Variants in KLHL1 observed in about 807,000 individuals in gnomAD.
KLHL1 encodes kelch like family member 1.
In KLHL1, 47 loss-of-function variants were observed where a neutral mutation model predicts 77.7. That is an observed-to-expected ratio of 0.60 (90% CI 0.48 to 0.77). The LOEUF is 0.77. Ranked by LOEUF, KLHL1 falls within the 30% of genes least tolerant of loss-of-function variation. KLHL1 has a pLI of 0.00. For missense variants in KLHL1, 925 were observed against 910.8 expected (o/e 1.02, Z -0.20); for synonymous variants, 360 against 325.2 (o/e 1.11, Z -1.15).
intron 4 of KLHL1, among the ~76,000 whole-genome samples, chr13:69,889,698 C>G (rs1245571507): frequency 6.6e-6 from 1 of 151,990 alleles, no homozygotes; most frequent in Non-Finnish European, 1.5e-5. Flanking sequence ...TAGATGTCAA[C>G]TCTGCTACTT....
chr13:70,055,159 AG>A (rs1481023408), intron 1 of KLHL1, among the ~76,000 whole-genome samples: 1 of 152,086 alleles, frequency 6.6e-6, no homozygotes, highest in Non-Finnish European at 1.5e-5. Context: ...GGATAAAGAA[AG>A]GGTCATAAAA....
chr13:69,775,467 A>C (rs1875779092), intron 7 of KLHL1, among the ~76,000 whole-genome samples: 1 of 152,168 alleles, frequency 6.6e-6, no homozygotes. Context: ...GTATTCACAA[A>C]TATTTGATTT....
chr13:69,841,276 T>C (rs1879253054), intron 5 of KLHL1, among the ~76,000 whole-genome samples: 4 of 151,836 alleles, frequency 2.6e-5, no homozygotes, highest in Admixed American at 2.6e-4. Context: ...AAGTCAAGTT[T>C]CTCCTGTTTA....
At chr13:69,787,354 C>T (rs144994824) in intron 7 of KLHL1, among the ~76,000 whole-genome samples, 10 of 152,174 alleles carry the variant, frequency 6.6e-5, no homozygotes, top group East Asian at 3.9e-4. Flanking sequence ...GAAATAATGC[C>T]GCATGTCTAC....
At chr13:70,066,930 TTG>T (rs1277016212) in intron 1 of KLHL1, among the ~76,000 whole-genome samples, 1 of 152,200 alleles carries the variant, frequency 6.6e-6, no homozygotes, top group Non-Finnish European at 1.5e-5. Context: ...ATTCATAGAG[TTG>T]TGTTTTCTTT....
At chr13:69,787,005 A>G (rs1303999469) in intron 7 of KLHL1, among the ~76,000 whole-genome samples, 1 of 151,094 alleles carries the variant, frequency 6.6e-6, no homozygotes, top group East Asian at 1.9e-4. Context: ...CAATGAAATA[A>G]AAGAGGATAC....
chr13:70,041,924 TGGGC>T (rs1886387736), intron 1 of KLHL1, among the ~76,000 whole-genome samples: 1 of 151,956 alleles, frequency 6.6e-6, no homozygotes, highest in Non-Finnish European at 1.5e-5. Flanking sequence ...GAAGTAAGAG[TGGGC>T]TGCAGGTTTT....
intron 6 of KLHL1, among the ~76,000 whole-genome samples, chr13:69,828,211 G>A (rs1288785881): frequency 1.4e-5 from 2 of 144,298 alleles, no homozygotes; most frequent in Non-Finnish European, 3.1e-5. Context: ...AACTGTGAGT[G>A]CCCAAAATGT....
chr13:69,956,556 T>C (rs1333856850), intron 3 of KLHL1, among the ~76,000 whole-genome samples: 2 of 151,418 alleles, frequency 1.3e-5, no homozygotes, highest in African/African-American at 4.8e-5. Flanking sequence ...GATGAGTCAC[T>C]TCAAGGAACT....
intron 6 of KLHL1, among the ~76,000 whole-genome samples, chr13:69,823,456 A>T (rs1311223629): frequency 1.3e-5 from 2 of 152,064 alleles, no homozygotes; most frequent in African/African-American, 2.4e-5. Context: ...AAATTAAAAA[A>T]TCATTAAAAT....
intron 1 of KLHL1, among the ~76,000 whole-genome samples, chr13:69,984,650 C>T (rs922024813): frequency 1.3e-5 from 2 of 152,176 alleles, no homozygotes; most frequent in Non-Finnish European, 2.9e-5. Context: ...ACTCCTCTAT[C>T]TCTTCAGGAG....
At chr13:70,106,606 T>C (rs1388617860) in intron 1 of KLHL1, among the ~76,000 whole-genome samples, 3 of 152,218 alleles carry the variant, frequency 2.0e-5, no homozygotes, top group African/African-American at 7.2e-5. Flanking sequence ...AGACTTACTC[T>C]GAACAAGGCA....
chr13:69,720,984 AGCCAAAGGGAAGTCAAGCTGGGAAC>A (rs1873019348), intron 8 of KLHL1, among the ~76,000 whole-genome samples: 1 of 120,818 alleles, frequency 8.3e-6, no homozygotes, highest in Non-Finnish European at 1.8e-5. Flanking sequence ...AAATCACTAA[AGCCAAAGGGAAGTCAAGCTGGGAAC>A]TCCTTAGTGC....
intron 7 of KLHL1, among the ~76,000 whole-genome samples, chr13:69,741,211 A>G (rs59580588): frequency 0.047 from 7,144 of 152,230 alleles, 521 homozygotes; most frequent in African/African-American, 0.15. Context: ...AGATATATAT[A>G]ACTAGTACTC....
At chr13:70,091,503 C>A (rs1056302338) in intron 1 of KLHL1, among the ~76,000 whole-genome samples, 2 of 152,112 alleles carry the variant, frequency 1.3e-5, no homozygotes, top group Non-Finnish European at 2.9e-5. Context: ...ATCCACATCA[C>A]AAATTTTCAT....
At chr13:70,075,168 T>C (rs912370526) in intron 1 of KLHL1, among the ~76,000 whole-genome samples, 2 of 151,878 alleles carry the variant, frequency 1.3e-5, no homozygotes, top group Non-Finnish European at 2.9e-5. Flanking sequence ...ACTCTCTTCA[T>C]AGGGAAGAGA....
chr13:69,726,547 CTT>C (rs1290178575), intron 8 of KLHL1, among the ~76,000 whole-genome samples: 1 of 152,130 alleles, frequency 6.6e-6, no homozygotes, highest in Non-Finnish European at 1.5e-5. Flanking sequence ...GCAAACTCCT[CTT>C]GTCACTTGCT....
chr13:69,740,676 T>A (rs899109609), intron 7 of KLHL1, 120 bp from the exon 8 acceptor site: 25 of 604,798 alleles, frequency 4.1e-5, no homozygotes, highest in African/African-American at 3.5e-4. Flanking sequence ...TGAAAAAAAA[T>A]TAAAAATTGA....
At chr13:70,092,651 T>C (rs1260803953) in intron 1 of KLHL1, among the ~76,000 whole-genome samples, 2 of 152,182 alleles carry the variant, frequency 1.3e-5, no homozygotes, top group Non-Finnish European at 2.9e-5. Context: ...TTTACATTCA[T>C]ACCTGTAATT....
Sources: gnomAD v4.1 joint callset for allele counts (sites outside exome capture counted in the v4.1 genomes callset) on GRCh38, gnomAD v4.1.1 for gene constraint, MANE v1.5 for transcripts, NCBI Gene and HGNC (gene_info 2026-07-23, HGNC 2026-07-21) for gene names.